Variants in DPYSL5 observed in about 807,000 individuals in gnomAD.
DPYSL5 encodes dihydropyrimidinase like 5.
In DPYSL5, 9 loss-of-function variants were observed where a neutral mutation model predicts 58.4. The ratio of observed to expected loss-of-function variants is 0.15; its 90% CI spans 0.09 to 0.27. The LOEUF (loss-of-function observed/expected upper bound fraction) is 0.27. Among genes scored for constraint, DPYSL5 ranks in the 10% least tolerant of loss-of-function variants. The pLI is 1.00. For synonymous variants in DPYSL5, 293 were observed against 301.9 expected, an observed-to-expected ratio of 0.97 and a Z score of 0.31; for missense variants, 499 against 770.6, an observed-to-expected ratio of 0.65 and a Z score of 4.17.
chr2:26,926,340 C>T (rs1237493086), intron 3 of DPYSL5, among the ~76,000 whole-genome samples: 1 of 152,160 alleles, frequency 6.6e-6, no homozygotes, highest in East Asian at 1.9e-4. Flanking sequence ...AGGCCTCTAC[C>T]TCTGAGCCAC....
chr2:26,932,082 A>AAAG (rs1451646542), intron 6 of DPYSL5, among the ~76,000 whole-genome samples: 6,194 of 59,994 alleles, frequency 0.1, 941 homozygotes, highest in Middle Eastern at 0.2. Context: ...AGAAAGAAAG[A>AAAG]AAAGAAAAAA....
At chr2:26,937,802 T>C (rs1193307404) in intron 8 of DPYSL5, among the ~76,000 whole-genome samples, 1 of 151,944 alleles carries the variant, frequency 6.6e-6, no homozygotes, top group African/African-American at 2.4e-5. Flanking sequence ...TCACTCTGTC[T>C]CCCAGGCTGG....
chr2:26,910,253 G>T (rs188597747), intron 2 of DPYSL5, among the ~76,000 whole-genome samples: 1 of 152,190 alleles, frequency 6.6e-6, no homozygotes, highest in Admixed American at 6.5e-5. Context: ...TTACCCGGAA[G>T]TGGAATGTGT....
At position 26,934,346 on chromosome 2, in the gene DPYSL5, G is replaced by T. The variant is rs1479328014; in HGVS notation, c.791-232G>T. Among the ~76,000 whole-genome samples the T allele has an allele frequency of 6.6e-6, 1 of 152,140 alleles. No homozygotes were observed. The highest frequency in any genetic ancestry group is 1.5e-5 in the Non-Finnish European group (1 of 68,028). ...AACCAGACTCCTCAAAGTGCCGCTT[G>T]GTCCTGCTGGGCCTCGGTGCCCATG... On this transcript the variant is annotated intron_variant, in intron 7 of 12. Coordinates refer to ENST00000288699, the MANE Select transcript of DPYSL5 (RefSeq NM_020134.4). The surrounding 1 kb of genome is among the most constrained non-coding windows in gnomAD (Gnocchi z 4.3).
chr2:26,925,071 A>G lies in DPYSL5; in HGVS notation c.420+26A>G, dbSNP rs1330693129. 3.7e-6 allele frequency: 6 copies of G among 1,609,848 alleles called. No homozygotes were observed. The South Asian group carries it at 6.6e-5, about 18-fold the overall frequency. Reference sequence around the variant, plus strand: ...GTAACAGTGCTGGTGGGATCCCAGAAGAAGGCACAAGTGGTCTTGTAGGCA... The same window carrying G: ...GTAACAGTGCTGGTGGGATCCCAGAGGAAGGCACAAGTGGTCTTGTAGGCA... On this transcript the variant is annotated intron_variant, in intron 3 of 12. Coordinates refer to ENST00000288699, the MANE Select transcript of DPYSL5 (RefSeq NM_020134.4). The surrounding 1 kb of genome is among the most constrained non-coding windows in gnomAD (Gnocchi z 4.5).
chr2:26,863,965 G>A (rs1045938111), intron 1 of DPYSL5, among the ~76,000 whole-genome samples: 1 of 152,068 alleles, frequency 6.6e-6, no homozygotes, highest in East Asian at 1.9e-4. Flanking sequence ...TAGTTAGACC[G>A]GGTGCAGTGG....
intron 1 of DPYSL5, among the ~76,000 whole-genome samples, chr2:26,872,942 A>G (rs1663309375): frequency 6.6e-6 from 1 of 152,222 alleles, no homozygotes; most frequent in Non-Finnish European, 1.5e-5. Flanking sequence ...TTACATGTAG[A>G]ACAGACTTAC....
chr2:26,931,882 C>T (rs984306258), intron 6 of DPYSL5, among the ~76,000 whole-genome samples, 198 bp downstream of exon 6: 3 of 150,910 alleles, frequency 2.0e-5, no homozygotes, highest in African/African-American at 7.3e-5. Flanking sequence ...GTGGCGTGCA[C>T]CTGTAATCCC....
At chr2:26,912,368 A>G (rs1451537285) in intron 2 of DPYSL5, among the ~76,000 whole-genome samples, 5 of 152,198 alleles carry the variant, frequency 3.3e-5, no homozygotes, top group Non-Finnish European at 5.9e-5. Flanking sequence ...TTGGGACTAA[A>G]ATGAGGGTCT....
chr2:26,929,780 C>G (rs531974104), intron 5 of DPYSL5, among the ~76,000 whole-genome samples: 110 of 152,368 alleles, frequency 7.2e-4, no homozygotes, highest in Non-Finnish European at 1.3e-3. Flanking sequence ...CTGGCTTTAT[C>G]CCTGTGCACA....
rs1487400601 is a variant in DPYSL5 at position 26,933,340 on chromosome 2, C to A, written c.790+7C>A. Reference sequence around the variant, plus strand: ...GCAGCTGCTAAGATGCAAGGTGAGTCCATAGACTTGGCTGGACAGAGCAGG... The same window carrying A: ...GCAGCTGCTAAGATGCAAGGTGAGTACATAGACTTGGCTGGACAGAGCAGG... On this transcript the variant is annotated splice_region_variant and intron_variant, in intron 7 of 12. Transcript: ENST00000288699. This position sits in a 1 kb window ranked among gnomAD's most constrained non-coding sequence, Gnocchi z 4.2. 3 of 1,613,660 alleles carry A rather than the reference C, an allele frequency of 1.9e-6. No individual in the cohort carries two copies. The highest frequency in any genetic ancestry group is 8.5e-7 in the Non-Finnish European group (1 of 1,179,720).
rs1342361770 is a variant in DPYSL5, at chr2:26,932,205, A to C, written c.714+521A>C. On this transcript the variant is annotated intron_variant, in intron 6 of 12. Coordinates refer to ENST00000288699, the MANE Select transcript of DPYSL5 (RefSeq NM_020134.4). ...AAAGAAAGAAAGAAAGAAAGAAAGA[A>C]AGAAAAGAAAGAAAGAAAGAAAGAA... Among the ~76,000 whole-genome samples, 110 of 53,554 alleles carry C rather than the reference A, an allele frequency of 2.1e-3. 1 individual carries two copies. Among genetic ancestry groups the C allele is most frequent in the Non-Finnish European group, 3.4e-3 (78 of 23,142 alleles). 35.1% of individuals were successfully genotyped at this position (53,554 alleles called of 152,430 possible).
At position 26,944,836 on chromosome 2, in the gene DPYSL5, G is replaced by A. The variant is rs557544771; in HGVS notation, c.1609+12G>A. On this transcript the variant is annotated intron_variant, in intron 12 of 12. Transcript: ENST00000288699. This position sits in a 1 kb window ranked among gnomAD's most constrained non-coding sequence, Gnocchi z 4.4. ...CTTCAGCCTCTCTGGTAAGAGTCAG[G>A]GGGCCACGGGAGGAGGATGGGGGTC... The A allele has an allele frequency of 8.1e-6, 13 of 1,613,132 alleles. No homozygotes were observed. In the East Asian group the frequency reaches 2.5e-4, roughly 30 times the overall value.
At chr2:26,857,519 G>A (rs1032759261) in intron 1 of DPYSL5, among the ~76,000 whole-genome samples, 9 of 150,120 alleles carry the variant, frequency 6.0e-5, no homozygotes, top group East Asian at 2.0e-4. Flanking sequence ...CAGCCTGGGC[G>A]ACAGAACAAG....
chr2:26,917,758 A>G (rs1244910004), intron 2 of DPYSL5, among the ~76,000 whole-genome samples: 5 of 152,220 alleles, frequency 3.3e-5, no homozygotes, highest in African/African-American at 4.8e-5. Context: ...CATAATTTGC[A>G]GGGCCTAGTG....
chr2:26,861,527 C>A (rs1478077796), intron 1 of DPYSL5, among the ~76,000 whole-genome samples: 1 of 152,188 alleles, frequency 6.6e-6, no homozygotes, highest in Non-Finnish European at 1.5e-5. Flanking sequence ...AGAGGAGGAA[C>A]CCACAGGGCA....
chr2:26,854,927 C>T (rs1193284427), intron 1 of DPYSL5, among the ~76,000 whole-genome samples: 1 of 151,968 alleles, frequency 6.6e-6, no homozygotes, highest in Non-Finnish European at 1.5e-5. Flanking sequence ...AAGCAATTCT[C>T]CTGCCTCAGC....
chr2:26,909,731 T>C (rs1664385804), intron 2 of DPYSL5, among the ~76,000 whole-genome samples: 1 of 151,888 alleles, frequency 6.6e-6, no homozygotes, highest in South Asian at 2.1e-4. Context: ...GCTATGATCA[T>C]GCCACTGCAC....
intron 1 of DPYSL5, among the ~76,000 whole-genome samples, chr2:26,861,611 T>C (rs972496488): frequency 6.6e-6 from 1 of 152,192 alleles, no homozygotes; most frequent in African/African-American, 2.4e-5. Flanking sequence ...GGATGATGGG[T>C]TAGGAAGCCT....
Sources: gnomAD v4.1 joint callset for allele counts (sites outside exome capture counted in the v4.1 genomes callset) on GRCh38, gnomAD v4.1.1 for gene constraint, Gnocchi (gnomAD v3.1) non-coding constraint, MANE v1.5 for transcripts, NCBI Gene and HGNC (gene_info 2026-07-23, HGNC 2026-07-21) for gene names.